Variants in RAD54L2 observed in about 807,000 individuals in gnomAD.
RAD54L2 encodes helicase ARIP4.
In RAD54L2, 27 loss-of-function variants were observed where a neutral mutation model predicts 138.4. That is an observed-to-expected ratio of 0.20 (90% confidence interval 0.14 to 0.27). The LOEUF (loss-of-function observed/expected upper bound fraction) is 0.27. Ranked by LOEUF, RAD54L2 falls within the 10% of genes least tolerant of loss-of-function variation. The pLI is 1.00. For missense variants in RAD54L2, 1,396 were observed against 1,890.2 expected, an observed-to-expected ratio of 0.74 and a Z score of 4.85; for synonymous variants, 644 against 723.2, an observed-to-expected ratio of 0.89 and a Z score of 1.76.
At chr3:51,619,150 C>T (rs562044509) in intron 3 of RAD54L2, among the ~76,000 whole-genome samples, 2 of 152,136 alleles carry the variant, frequency 1.3e-5, no homozygotes, top group East Asian at 1.9e-4. Context: ...CTCTGCCTCC[C>T]GGGTTCAAGC....
In RAD54L2 at chr3:51,557,567, C is replaced by A. The variant is rs180704967; in HGVS notation, c.-55+15917C>A. Among the ~76,000 whole-genome samples the A allele has an allele frequency of 4.3e-4, 66 of 151,954 alleles. 2 individuals carry two copies. The East Asian group carries it at 0.012, about 28-fold the overall frequency. ...AACATTCTTATGTTCTTATTAATTA[C>A]ACGCCTGTAATCTCAACACTTTGGG... On this transcript the variant is annotated intron_variant, in intron 2 of 22. Transcript: ENST00000684192.
At chr3:51,627,883 G>C in intron 4 of RAD54L2, 129 bp downstream of exon 4, 1 of 1,041,064 alleles carries the variant, frequency 9.6e-7, no homozygotes, top group Non-Finnish European at 1.4e-6. Context: ...AGTGTCAGGT[G>C]TGTGTCTTCA....
At chr3:51,576,525 G>T (rs1699485219) in intron 2 of RAD54L2, among the ~76,000 whole-genome samples, 1 of 152,040 alleles carries the variant, frequency 6.6e-6, no homozygotes, top group Admixed American at 6.6e-5. Flanking sequence ...CAATTTCAGA[G>T]CCTGTTATTG....
intron 2 of RAD54L2, among the ~76,000 whole-genome samples, chr3:51,588,367 T>G (rs1699757208): frequency 6.6e-6 from 1 of 150,698 alleles, no homozygotes; most frequent in Admixed American, 6.6e-5. Flanking sequence ...AAACCCCGTC[T>G]CTGCTAAAAA....
At chr3:51,625,230 C>A (rs1188117348) in intron 3 of RAD54L2, among the ~76,000 whole-genome samples, 1 of 152,088 alleles carries the variant, frequency 6.6e-6, no homozygotes, top group African/African-American at 2.4e-5. Flanking sequence ...ACCACCCTGA[C>A]CAACGTGGAG....
In RAD54L2 at chr3:51,633,246, C is replaced by A. The variant is rs894184574; in HGVS notation, c.826-331C>A. Among the ~76,000 whole-genome samples the A allele has an allele frequency of 3.9e-5, 6 of 152,178 alleles. 1 individual carries two copies. The highest frequency in any genetic ancestry group is 3.3e-4 in the Admixed American group (5 of 15,286). ...AAAACAACAACAAAAACAAACTACT[C>A]CTATGGAATGGGCTGCCTTAAGAGG... On this transcript the variant is annotated intron_variant, in intron 7 of 22. Coordinates refer to ENST00000684192, the MANE Select transcript of RAD54L2 (RefSeq NM_015106.4).
At chr3:51,618,543 C>A (rs1484328197) in intron 3 of RAD54L2, among the ~76,000 whole-genome samples, 2 of 151,930 alleles carry the variant, frequency 1.3e-5, no homozygotes, top group Non-Finnish European at 2.9e-5. Flanking sequence ...TGCCACCGTA[C>A]CCCCGACTGG....
rs375274077 is a variant in RAD54L2 at position 51,571,485 on chromosome 3, G to A, written c.-54-18882G>A. Among the ~76,000 whole-genome samples the A allele has an allele frequency of 8.6e-5, 13 of 150,560 alleles. No homozygotes were observed. The East Asian group carries it at 1.2e-3, about 14-fold the overall frequency. ...CAGCTCACTATAACCTTCGCCTCCC[G>A]GGTTCAAGCAATTCTCCCTCAGCCT... On this transcript the variant is annotated intron_variant, in intron 2 of 22. Coordinates refer to ENST00000684192, the MANE Select transcript of RAD54L2 (RefSeq NM_015106.4).
chr3:51,595,943 T>G (rs1388144355), intron 3 of RAD54L2, among the ~76,000 whole-genome samples: 6 of 146,654 alleles, frequency 4.1e-5, no homozygotes, highest in Non-Finnish European at 7.5e-5. Context: ...CTTCTTTTTT[T>G]TTTTTTTGAG....
chr3:51,581,240 G>T (rs1407274915), intron 2 of RAD54L2, among the ~76,000 whole-genome samples: 2 of 152,108 alleles, frequency 1.3e-5, no homozygotes, highest in African/African-American at 4.8e-5. Flanking sequence ...TGGGACTACA[G>T]GCACGCACCA....
rs1484746698 is a variant in RAD54L2, at chr3:51,663,214, T to C, written c.4198T>C (p.Phe1400Leu). 1 of 1,613,968 alleles carries C rather than the reference T, an allele frequency of 6.2e-7. No homozygotes were observed. Among genetic ancestry groups the C allele is most frequent in the Non-Finnish European group, 8.5e-7 (1 of 1,179,894 alleles). Residue 1400 changes from phenylalanine (F) to leucine (L), a missense_variant, in exon 23 of 23, where the codon TTT becomes CTT. Physicochemically the swap from Phe to Leu is conservative, Grantham distance 22 (BLOSUM62 0). Around this residue, in one of 7 missense-constraint regions of RAD54L2, gnomAD observed 634 missense variants for 711.2 expected, o/e 0.89. Transcript: ENST00000684192. Reference protein sequence around the residue: ...LLSEPRMFAPFPSPVLPSNLS... With the variant: ...LLSEPRMFAPLPSPVLPSNLS... ...GTCCGAGCCGAGGATGTTTGCGCCTTTTCCTTCCCCTGTCTTGCCCAGCAA... is the reference window on the plus strand; with the variant it reads ...GTCCGAGCCGAGGATGTTTGCGCCTCTTCCTTCCCCTGTCTTGCCCAGCAA...
At chr3:51,660,555 C>T (rs1701738566) in intron 22 of RAD54L2, among the ~76,000 whole-genome samples, 1 of 152,016 alleles carries the variant, frequency 6.6e-6, no homozygotes, top group Non-Finnish European at 1.5e-5. Context: ...TCGTGATCCG[C>T]CCGCCTCAGC....
intron 2 of RAD54L2, among the ~76,000 whole-genome samples, chr3:51,568,471 G>T (rs1197047183): frequency 6.6e-6 from 1 of 152,156 alleles, no homozygotes; most frequent in Non-Finnish European, 1.5e-5. Context: ...CTCAAATGCA[G>T]GCCTGGAGTC....
intron 7 of RAD54L2, among the ~76,000 whole-genome samples, chr3:51,631,420 CTTTTTTTT>C (rs898540419): frequency 2.3e-4 from 29 of 128,322 alleles, no homozygotes; most frequent in African/African-American, 5.4e-4. Flanking sequence ...ATTAAGAACT[CTTTTTTTT>C]TTTTTTTTTT....
chr3:51,616,747 G>A (rs1325475041), intron 3 of RAD54L2, among the ~76,000 whole-genome samples: 1 of 152,156 alleles, frequency 6.6e-6, no homozygotes, highest in Non-Finnish European at 1.5e-5. Flanking sequence ...AAAATTGCTT[G>A]AACCCAGGAG....
At chr3:51,595,995 C>T (rs1039043891) in intron 3 of RAD54L2, among the ~76,000 whole-genome samples, 14 of 146,790 alleles carry the variant, frequency 9.5e-5, no homozygotes, top group African/African-American at 2.8e-4. Flanking sequence ...AGTGCAGTGG[C>T]GTGATCACGA....
chr3:51,649,269 C>T (rs970081468), intron 19 of RAD54L2, among the ~76,000 whole-genome samples: 9 of 152,042 alleles, frequency 5.9e-5, no homozygotes, highest in Admixed American at 2.6e-4. Context: ...TAAAAAGAAA[C>T]GAACAAAGGC....
Position 51,662,622 on chromosome 3 carries a change from G to C in RAD54L2, c.3606G>C (p.Leu1202=). Reference sequence around the variant, plus strand: ...GCTCCCCAAGCACCAATGCCGCCCTGCCTGGCCCCCCGGCCCAACTTATGG... The same window carrying C: ...GCTCCCCAAGCACCAATGCCGCCCTCCCTGGCCCCCCGGCCCAACTTATGG... ...RQSSPSTNAA[L]PGPPAQLMDS... Residue 1202 remains leucine (L), a synonymous_variant, in exon 23 of 23, where the codon CTG becomes CTC. Coordinates refer to ENST00000684192, the MANE Select transcript of RAD54L2 (RefSeq NM_015106.4). This position sits in a 1 kb window ranked among gnomAD's most constrained non-coding sequence, Gnocchi z 4.6. 1 of 1,612,628 alleles carries C rather than the reference G, an allele frequency of 6.2e-7. No individual in the cohort carries two copies. Among genetic ancestry groups the C allele is most frequent in the Non-Finnish European group, 8.5e-7 (1 of 1,179,252 alleles).
intron 3 of RAD54L2, among the ~76,000 whole-genome samples, chr3:51,599,773 G>A (rs912793579): frequency 2.0e-5 from 3 of 147,600 alleles, no homozygotes; most frequent in South Asian, 2.1e-4. Context: ...GGCAAAAACC[G>A]CGATTACTTT....
Sources: allele counts gnomAD v4.1 joint callset (sites outside exome capture counted in the v4.1 genomes callset), GRCh38; gene constraint gnomAD v4.1.1; regional missense constraint gnomAD v4.1.1; non-coding constraint Gnocchi (gnomAD v3.1); transcripts MANE v1.5; gene names NCBI Gene and HGNC (gene_info 2026-07-23, HGNC 2026-07-21).